Variants in PTPRS observed in about 807,000 individuals in gnomAD.
PTPRS encodes the protein protein tyrosine phosphatase receptor type S, also known as receptor-type tyrosine-protein phosphatase S.
Under a neutral mutation model 215.3 loss-of-function variants are expected in PTPRS, and 63 were observed. That is an observed-to-expected ratio of 0.29 (90% CI 0.24 to 0.36). The LOEUF (loss-of-function observed/expected upper bound fraction) is 0.36, where lower values mean the gene tolerates loss of function less well. Among genes scored for constraint, PTPRS ranks in the 10% least tolerant of loss-of-function variants. PTPRS has a pLI of 1.00. For missense variants in PTPRS, 2,258 were observed against 2,825.8 expected, an observed-to-expected ratio of 0.80 and a Z score of 4.56; for synonymous variants, 1,404 against 1,191.4, an observed-to-expected ratio of 1.18 and a Z score of -3.68.
Position 5,286,167 on chromosome 19 carries a change from C to A in PTPRS, c.-27G>T. 1 of 1,611,018 alleles carries A rather than the reference C, an allele frequency of 6.2e-7. No homozygotes were observed. The highest frequency in any genetic ancestry group is 8.5e-7 in the Non-Finnish European group (1 of 1,178,772). The stretch of plus-strand genomic sequence containing the variant: ...CTTGGCAGCGACCTCCGATCTCCGC[C>A]CTGGAGGGGGATGGCCCCCCGGTCC... On this transcript the variant is annotated 5_prime_UTR_variant, in exon 2 of 38. Transcript: ENST00000262963.
At position 5,237,783 on chromosome 19, in the gene PTPRS, G is replaced by A. The variant is rs918303657; in HGVS notation, c.1849+1136C>T. Among the ~76,000 whole-genome samples, 3 of 152,098 alleles carry A rather than the reference G, an allele frequency of 2.0e-5. No homozygotes were observed. The highest frequency in any genetic ancestry group is 1.9e-4 in the East Asian group (1 of 5,176). ...CCACCTCACACAGACGCGCCCAGAC[G>A]CCTTGGAGCCGCCAGGTGCTCAGCT... On this transcript the variant is annotated intron_variant, in intron 13 of 37. Transcript: ENST00000262963. The surrounding 1 kb of genome is among the most constrained non-coding windows in gnomAD (Gnocchi z 4.2).
At chr19:5,315,521 A>G (rs2049848464) in intron 1 of PTPRS, among the ~76,000 whole-genome samples, 1 of 148,438 alleles carries the variant, frequency 6.7e-6, no homozygotes, top group African/African-American at 2.5e-5. Context: ...ACACCATCAT[A>G]CTTGGCTAAT....
At chr19:5,225,669 C>G in intron 17 of PTPRS, 58 bp downstream of exon 17, 1 of 1,428,460 alleles carries the variant, frequency 7.0e-7, no homozygotes, top group Non-Finnish European at 9.9e-7. Context: ...GAGTCACGCT[C>G]TGGTGCCAGT....
rs1352940545 is a variant in PTPRS, at chr19:5,212,318, C to G, written c.4769+19G>C. 6.2e-7 allele frequency: 1 copy of G among 1,612,770 alleles called. No individual in the cohort carries two copies. The highest frequency in any genetic ancestry group is 1.7e-5 in the Admixed American group (1 of 59,986). ...GGGGACCGGGGGGAAGCGGATGGGG[C>G]AGAGTGGGGTGGACGTACCTGCAGT... On this transcript the variant is annotated intron_variant, in intron 31 of 37. Coordinates refer to ENST00000262963, the MANE Select transcript of PTPRS (RefSeq NM_002850.4).
At chr19:5,251,650 C>G (rs1163129887) in intron 9 of PTPRS, among the ~76,000 whole-genome samples, 1 of 152,020 alleles carries the variant, frequency 6.6e-6, no homozygotes, top group Non-Finnish European at 1.5e-5. Context: ...GTGAGGCAGG[C>G]AGCAGGCGAG....
intron 1 of PTPRS, among the ~76,000 whole-genome samples, chr19:5,319,770 C>T (rs559156695): frequency 6.6e-6 from 1 of 152,034 alleles, no homozygotes; most frequent in Non-Finnish European, 1.5e-5. Flanking sequence ...TCTTCCCCCA[C>T]GTTATCTGCT....
rs1015763824 is a variant in PTPRS, at chr19:5,273,505, C to G, written c.316G>C (p.Glu106Gln). 2 of 1,614,078 alleles carry G rather than the reference C, an allele frequency of 1.2e-6. No homozygotes were observed. Among genetic ancestry groups the G allele is most frequent in the Non-Finnish European group, 1.7e-6 (2 of 1,180,044 alleles). The stretch of plus-strand genomic sequence containing the variant: ...CCAACCGAGTTCTGGGCCACACACT[C>G]GTACACGTTTTCATCCCGCGGTGTC... ...LRTPRDENVY[E>Q]CVAQNSVGEI... The change falls in exon 4 of 38, where the codon GAG becomes CAG. Residue 106 changes from glutamate (E) to glutamine (Q), a missense_variant. Physicochemically the swap from Glu to Gln is conservative, Grantham distance 29. Around this residue, in one of 6 missense-constraint regions of PTPRS, gnomAD observed 508 missense variants for 799.4 expected, o/e 0.64. Coordinates refer to ENST00000262963, the MANE Select transcript of PTPRS (RefSeq NM_002850.4).
intron 1 of PTPRS, among the ~76,000 whole-genome samples, chr19:5,297,791 C>CT (rs373472522): frequency 0.028 from 3,619 of 131,326 alleles, 138 homozygotes; most frequent in Admixed American, 0.11. Flanking sequence ...CTTTTCTTTT[C>CT]TTTTTTTTTT....
At chr19:5,312,715 T>C (rs1438853812) in intron 1 of PTPRS, among the ~76,000 whole-genome samples, 5 of 152,026 alleles carry the variant, frequency 3.3e-5, no homozygotes, top group African/African-American at 1.2e-4. Context: ...TAACTGCTAA[T>C]ATTTATAGGT....
chr19:5,256,117 G>T lies in PTPRS; in HGVS notation c.709C>A (p.Leu237Ile). 1 of 1,525,126 alleles carries T rather than the reference G, an allele frequency of 6.6e-7. No homozygotes were observed. Among genetic ancestry groups the T allele is most frequent in the Non-Finnish European group, 9.1e-7 (1 of 1,102,202 alleles). 94.5% of individuals were successfully genotyped at this position (1,525,126 alleles called of 1,614,324 possible). A position where few individuals can be genotyped will look rare whatever the true frequency, so the allele number is the denominator to read the frequency against. Reference protein sequence around the residue: ...SSPANLYVRELREVRRVAPRF... With the variant: ...SSPANLYVREIREVRRVAPRF... ...AAAAAAACACACCAACCTTCTCGAA[G>T]CTCTGAGGGATGTAAAGGGGGTTTG... Residue 237 changes from leucine to isoleucine, a missense_variant and splice_region_variant, in exon 9 of 38, where the codon CTT becomes ATT. Coordinates refer to ENST00000262963, the MANE Select transcript of PTPRS (RefSeq NM_002850.4).
At chr19:5,267,232 A>G (rs1263787502) in intron 4 of PTPRS, among the ~76,000 whole-genome samples, 1 of 151,998 alleles carries the variant, frequency 6.6e-6, no homozygotes, top group Non-Finnish European at 1.5e-5. Flanking sequence ...GAGCGGGGAC[A>G]AGGAGGAGAA....
intron 4 of PTPRS, among the ~76,000 whole-genome samples, chr19:5,269,380 AAAC>A (rs2046709468): frequency 6.6e-6 from 1 of 152,064 alleles, no homozygotes; most frequent in Non-Finnish European, 1.5e-5. Flanking sequence ...AGTTTAATTA[AAAC>A]AACAGTGCAG....
intron 11 of PTPRS, among the ~76,000 whole-genome samples, chr19:5,241,321 T>C (rs1002818579): frequency 1.3e-5 from 2 of 152,228 alleles, no homozygotes; most frequent in East Asian, 1.9e-4. Context: ...TCTCACTGTG[T>C]CACCTAGGCT....
intron 9 of PTPRS, among the ~76,000 whole-genome samples, chr19:5,250,485 G>A (rs1439297721): frequency 1.3e-5 from 2 of 152,110 alleles, no homozygotes; most frequent in Non-Finnish European, 2.9e-5. Context: ...CGGGACCCCC[G>A]CCCCCAATTA....
chr19:5,316,820 C>T (rs2049889369), intron 1 of PTPRS, among the ~76,000 whole-genome samples: 1 of 152,138 alleles, frequency 6.6e-6, no homozygotes, highest in Admixed American at 6.5e-5. Context: ...TGAGCCACCA[C>T]ACCCGGCTGT....
At chr19:5,217,970 G>A (rs919939680) in intron 25 of PTPRS, among the ~76,000 whole-genome samples, 5 of 152,104 alleles carry the variant, frequency 3.3e-5, no homozygotes, top group African/African-American at 1.2e-4. Context: ...ACAGGGCATT[G>A]GGCAGGTATA....
rs376266471 is a variant in PTPRS at position 5,220,129 on chromosome 19, T to C, written c.3575A>G (p.Gln1192Arg). The C allele has an allele frequency of 1.2e-6, 2 of 1,612,528 alleles. No homozygotes were observed. Among genetic ancestry groups the C allele is most frequent in the Non-Finnish European group, 1.7e-6 (2 of 1,179,500 alleles). ...EELIQDISRL[Q>R]RRSLRHSRQL... ...ACGCGAGTGCCGCAGGCTGCGCCTCTGTAGCCGTGAGATGTCCTGGATGAG... is the reference window on the plus strand; with the variant it reads ...ACGCGAGTGCCGCAGGCTGCGCCTCCGTAGCCGTGAGATGTCCTGGATGAG... The change falls in exon 22 of 38, where the codon CAG becomes CGG. Residue 1192 changes from glutamine to arginine, a missense_variant. By Grantham distance (43) the Gln-to-Arg change is conservative. Transcript: ENST00000262963.
intron 1 of PTPRS, among the ~76,000 whole-genome samples, chr19:5,327,242 CA>C (rs2147255733): frequency 6.6e-6 from 1 of 152,354 alleles, no homozygotes; most frequent in Admixed American, 6.5e-5. Flanking sequence ...GCCCCATATG[CA>C]GGTCCTGCGA....
At chr19:5,319,238 C>T (rs565427957) in intron 1 of PTPRS, among the ~76,000 whole-genome samples, 4 of 152,154 alleles carry the variant, frequency 2.6e-5, no homozygotes, top group East Asian at 3.9e-4. Flanking sequence ...ATGGCAAAAC[C>T]CATCACTACT....
Sources: allele counts gnomAD v4.1 joint callset (sites outside exome capture counted in the v4.1 genomes callset), GRCh38; gene constraint gnomAD v4.1.1; regional missense constraint gnomAD v4.1.1; non-coding constraint Gnocchi (gnomAD v3.1); transcripts MANE v1.5; gene names NCBI Gene and HGNC (gene_info 2026-07-23, HGNC 2026-07-21).